Variants in THRA observed in about 807,000 individuals in gnomAD.
THRA encodes EAR-7.
THRA carries 13 observed loss-of-function variants against 45.0 expected under a neutral mutation model. That is an observed-to-expected ratio of 0.29 (90% CI 0.19 to 0.46). The LOEUF is 0.46. THRA is among the 20% of genes least tolerant of loss of function. The pLI is 1.00. For synonymous variants in THRA, 195 were observed against 214.0 expected (o/e 0.91, Z 0.78); for missense variants, 278 against 556.1 (o/e 0.50, Z 5.03).
At chr17:40,086,505 C>T (rs554964704) in intron 6 of THRA, among the ~76,000 whole-genome samples, 4 of 152,238 alleles carry the variant, frequency 2.6e-5, no homozygotes, top group Admixed American at 2.0e-4. Flanking sequence ...CTGTTACTAC[C>T]GTTGTTATTA....
At chr17:40,080,221 G>A (rs554319687) in intron 4 of THRA, among the ~76,000 whole-genome samples, 1 of 152,218 alleles carries the variant, frequency 6.6e-6, no homozygotes, top group Admixed American at 6.5e-5. Context: ...GCAACATAGT[G>A]AGACCCTGTC....
At chr17:40,068,279 C>T (rs1264015622) in intron 1 of THRA, among the ~76,000 whole-genome samples, 1 of 152,246 alleles carries the variant, frequency 6.6e-6, no homozygotes, top group Non-Finnish European at 1.5e-5. Context: ...GCAAATAACA[C>T]AAGGTGGGAT....
In THRA at chr17:40,065,775, G is replaced by T. The variant is rs926858952; in HGVS notation, c.-298+2683G>T. On this transcript the variant is annotated intron_variant, in intron 1 of 8. Coordinates refer to ENST00000450525, the MANE Select transcript of THRA (RefSeq NM_199334.5). ...TTTAGGGGCTGGGAATGGGGGAAGGGGGGGGGGGTCAGCCACTGCCCATGC... is the reference window on the plus strand; with the variant it reads ...TTTAGGGGCTGGGAATGGGGGAAGGTGGGGGGGGTCAGCCACTGCCCATGC... Among the ~76,000 whole-genome samples, 112 of 74,272 alleles carry T rather than the reference G, an allele frequency of 1.5e-3. 2 individuals are homozygous for T. The highest frequency in any genetic ancestry group is 7.5e-3 in the African/African-American group (106 of 14,164). 48.7% of individuals were successfully genotyped at this position (74,272 alleles called of 152,430 possible).
intron 7 of THRA, among the ~76,000 whole-genome samples, chr17:40,087,452 GATAC>G (rs1009839781): frequency 3.2e-4 from 48 of 149,784 alleles, no homozygotes; most frequent in Admixed American, 3.3e-4. Context: ...CACACACATA[GATAC>G]ATACAGACAC....
chr17:40,077,058 AG>A, intron 3 of THRA, 120 bp downstream of exon 3: 1 of 1,046,536 alleles, frequency 9.6e-7, no homozygotes, highest in Non-Finnish European at 1.4e-6. Flanking sequence ...AGCCTCCTAG[AG>A]GGCTTGGGAT....
chr17:40,071,308 G>A (rs1598389585), intron 1 of THRA, among the ~76,000 whole-genome samples: 1 of 152,340 alleles, frequency 6.6e-6, no homozygotes, highest in South Asian at 2.1e-4. Context: ...ACTCCCCTCT[G>A]GCAGCCCCAG....
At chr17:40,077,689 G>T in intron 4 of THRA, 81 bp downstream of exon 4, 1 of 1,161,982 alleles carries the variant, frequency 8.6e-7, no homozygotes, top group South Asian at 1.4e-5. Flanking sequence ...CCGCCTGTTA[G>T]GTCATCACTT....
In THRA at chr17:40,088,419, GA is replaced by G; in HGVS notation, c.903del (p.Glu301AspfsTer24). On this transcript the variant is annotated frameshift_variant, in exon 8 of 9. Transcript: ENST00000450525. LOFTEE classifies it high-confidence loss of function. The part of the protein sequence containing the change: ...GLGVVSDAIF[E>X]LGKSLSAFNL... ...GGGCGTAGTCTCCGACGCCATCTTT[GA>G]ACTGGGCAAGTCACTCTCTGCCTTT... 1 of 1,614,152 alleles carries G rather than the reference GA, an allele frequency of 6.2e-7. No homozygotes were observed. Among genetic ancestry groups the G allele is most frequent in the Non-Finnish European group, 8.5e-7 (1 of 1,180,000 alleles).
intron 1 of THRA, among the ~76,000 whole-genome samples, chr17:40,067,292 C>T (rs937244693): frequency 1.3e-5 from 2 of 152,190 alleles, no homozygotes; most frequent in African/African-American, 4.8e-5. Flanking sequence ...CTTTGGGCAT[C>T]ACTGCATCTC....
intron 8 of THRA, among the ~76,000 whole-genome samples, chr17:40,088,888 G>A (rs1396479583): frequency 9.4e-6 from 1 of 105,874 alleles, no homozygotes; most frequent in Non-Finnish European, 1.9e-5. Context: ...TCTGCACCCC[G>A]CCTCTCTGAC....
intron 3 of THRA, 143 bp downstream of exon 3, chr17:40,077,081 G>A (rs556432286): frequency 3.5e-6 from 3 of 856,414 alleles, no homozygotes; most frequent in Admixed American, 2.6e-5. Flanking sequence ...GACTTGTCTG[G>A]GGGTGAGAAA....
In THRA at chr17:40,089,475, GGT is replaced by G. The variant is rs776696601; in HGVS notation, c.*23_*24del. On this transcript the variant is annotated 3_prime_UTR_variant, in exon 9 of 9. Coordinates refer to ENST00000450525, the MANE Select transcript of THRA (RefSeq NM_199334.5). The surrounding 1 kb of genome is among the most constrained non-coding windows in gnomAD (Gnocchi z 6.1). ...AGTCTAAAGCCTCAGGCGGCCAGAG[GGT>G]GTGCGGAGCTGGTGGGGAGGAGCCT... The G allele has an allele frequency of 2.5e-6, 4 of 1,612,604 alleles. No individual in the cohort carries two copies. Among genetic ancestry groups the G allele is most frequent in the Non-Finnish European group, 3.4e-6 (4 of 1,179,120 alleles).
At chr17:40,063,915 G>A (rs1342588564) in intron 1 of THRA, among the ~76,000 whole-genome samples, 2 of 151,948 alleles carry the variant, frequency 1.3e-5, no homozygotes, top group East Asian at 3.9e-4. Context: ...CGTTCCAGGG[G>A]TGGGGGTGGG....
At chr17:40,074,583 C>A in intron 2 of THRA, 42 bp downstream of exon 2, 1 of 1,607,474 alleles carries the variant, frequency 6.2e-7, no homozygotes, top group Non-Finnish European at 8.5e-7. Flanking sequence ...TCCTAAGCAG[C>A]AGGCATGGGC....
chr17:40,065,774 G>A (rs989153512), intron 1 of THRA, among the ~76,000 whole-genome samples: 7 of 60,786 alleles, frequency 1.2e-4, no homozygotes, highest in Middle Eastern at 7.8e-3. Flanking sequence ...ATGGGGGAAG[G>A]GGGGGGGGGT....
rs745534789 is a variant in THRA, at chr17:40,084,838, G to A, written c.576+23G>A. The A allele has an allele frequency of 2.9e-5, 47 of 1,611,300 alleles. No individual in the cohort carries two copies. The South Asian group carries it at 4.7e-4, about 16-fold the overall frequency. On this transcript the variant is annotated intron_variant, in intron 6 of 8. Transcript: ENST00000450525. ...CTGGTAAGGAGAAAGGGGGCATGGG[G>A]AGAGCAGTAGCCAGGTGGCAGGGAG... is the stretch of plus-strand genomic sequence containing the variant.
intron 2 of THRA, among the ~76,000 whole-genome samples, chr17:40,076,052 G>A (rs1052767257): frequency 4.6e-5 from 7 of 152,220 alleles, no homozygotes; most frequent in African/African-American, 1.2e-4. Context: ...TGTGTGCACC[G>A]AGGTTATGCA....
rs371637594 is a variant in THRA at position 40,089,721 on chromosome 17, A to G, written c.*265A>G. 1 of 1,322,560 alleles carries G rather than the reference A, an allele frequency of 7.6e-7. No homozygotes were observed. Among genetic ancestry groups the G allele is most frequent in the Non-Finnish European group, 9.7e-7 (1 of 1,030,158 alleles). 81.9% of individuals were successfully genotyped at this position (1,322,560 alleles called of 1,614,324 possible). A position where few individuals can be genotyped will look rare whatever the true frequency, so the allele number is the denominator to read the frequency against. ...TGTGTCCTGCAGTTCCCAGGACCCC[A>G]TCCTCTCAGAAGGTAGGGGAAGGGC... On this transcript the variant is annotated 3_prime_UTR_variant, in exon 9 of 9. Transcript: ENST00000450525. This position sits in a 1 kb window ranked among gnomAD's most constrained non-coding sequence, Gnocchi z 6.1.
Position 40,092,727 on chromosome 17 carries a change from G to GT in THRA, c.*3271_*3272insT, listed in dbSNP as rs1555545514. 1.8e-5 allele frequency: 6 copies of GT among 337,804 alleles called. No homozygotes were observed. The highest frequency in any genetic ancestry group is 6.3e-5 in the African/African-American group (3 of 47,406). 20.9% of individuals were successfully genotyped at this position (337,804 alleles called of 1,614,324 possible). A position where few individuals can be genotyped will look rare whatever the true frequency, so the allele number is the denominator to read the frequency against. Reference sequence around the variant, plus strand: ...CACAAACTGACCAGATGGAGAGGTGGCCCCCCCCAGCCTTGGCAGTATTTC... The same window carrying GT: ...CACAAACTGACCAGATGGAGAGGTGGTCCCCCCCCAGCCTTGGCAGTATTTC... On this transcript the variant is annotated 3_prime_UTR_variant, in exon 9 of 9. Coordinates refer to ENST00000450525, the MANE Select transcript of THRA (RefSeq NM_199334.5).
Sources: allele counts gnomAD v4.1 joint callset (sites outside exome capture counted in the v4.1 genomes callset), GRCh38; gene constraint gnomAD v4.1.1; non-coding constraint Gnocchi (gnomAD v3.1); transcripts MANE v1.5; gene names NCBI Gene and HGNC (gene_info 2026-07-23, HGNC 2026-07-21).